The following RTL4 variants were observed in gnomAD, a reference collection of about 807,000 sequenced individuals.
RTL4 encodes the protein retrotransposon Gag like 4.
A neutral mutation model predicts 5.3 loss-of-function variants in RTL4; 4 were observed. The ratio of observed to expected loss-of-function variants is 0.75; its 90% CI spans 0.37 to 1.72. RTL4 has a LOEUF of 1.72. RTL4 is among the 40% of genes most tolerant of loss of function. RTL4 has a pLI of 0.04. For synonymous variants in RTL4, 98 were observed against 87.3 expected, an observed-to-expected ratio of 1.12 and a Z score of -0.68; for missense variants, 260 against 227.1, an observed-to-expected ratio of 1.14 and a Z score of -0.93.
chrX:112,382,451 C>T, the RTL4 span, among the ~76,000 whole-genome samples: 1 of 111,184 alleles, frequency 9.0e-6, no homozygotes, highest in Non-Finnish European at 1.9e-5. Context: ...TAAGCTATTC[C>T]ACAAACCTCC....
chrX:112,329,414 A>G, the RTL4 span, among the ~76,000 whole-genome samples: 1 of 111,818 alleles, frequency 8.9e-6, no homozygotes, highest in Non-Finnish European at 1.9e-5. Context: ...TCTAGAAGAA[A>G]TGGATAAATT....
the RTL4 span, among the ~76,000 whole-genome samples, chrX:112,114,110 A>G: frequency 9.0e-6 from 1 of 111,550 alleles, no homozygotes; most frequent in East Asian, 2.8e-4. Context: ...GTATTTTTCT[A>G]AGGCCTTCCA....
At chrX:112,405,784 G>A in the RTL4 span, among the ~76,000 whole-genome samples, 1 of 110,662 alleles carries the variant, frequency 9.0e-6, no homozygotes, top group African/African-American at 3.3e-5. Context: ...GACCACTAAC[G>A]CTCCTTGGTT....
chrX:112,208,127 T>C, the RTL4 span, among the ~76,000 whole-genome samples: 7 of 111,958 alleles, frequency 6.3e-5, no homozygotes, highest in Non-Finnish European at 1.3e-4. Context: ...TTGAGACTAA[T>C]GGATGATGCC....
the RTL4 span, among the ~76,000 whole-genome samples, chrX:112,387,326 G>A: frequency 2.8e-5 from 3 of 108,263 alleles, no homozygotes; most frequent in South Asian, 1.2e-3. Context: ...TTGCTGTGCA[G>A]AAGCTCTTTA....
chrX:112,341,851 T>G, the RTL4 span, among the ~76,000 whole-genome samples: 3 of 111,579 alleles, frequency 2.7e-5, no homozygotes, highest in Admixed American at 2.9e-4. Flanking sequence ...GATGCAATTC[T>G]TGGCACAATC....
chrX:112,175,458 T>A, the RTL4 span, among the ~76,000 whole-genome samples: 1 of 110,394 alleles, frequency 9.1e-6, no homozygotes, highest in Non-Finnish European at 1.9e-5. Flanking sequence ...TTTGTACCAG[T>A]ACCATGCTGT....
chrX:112,428,795 C>A, the RTL4 span, among the ~76,000 whole-genome samples: 1 of 111,597 alleles, frequency 9.0e-6, no homozygotes, highest in African/African-American at 3.2e-5. Context: ...TTTCTTCTTG[C>A]AATTCTATCA....
chrX:112,206,975 A>G, the RTL4 span, among the ~76,000 whole-genome samples: 1 of 111,546 alleles, frequency 9.0e-6, no homozygotes, highest in Admixed American at 9.6e-5. Context: ...TTCACATGCA[A>G]TCCATCATCA....
At chrX:112,404,933 G>A in the RTL4 span, among the ~76,000 whole-genome samples, 2 of 111,967 alleles carry the variant, frequency 1.8e-5, no homozygotes, top group African/African-American at 6.5e-5. Context: ...AATCACCCAG[G>A]TGATGCAGAT....
chrX:112,330,219 T>A, the RTL4 span, among the ~76,000 whole-genome samples: 1 of 108,319 alleles, frequency 9.2e-6, no homozygotes, highest in Non-Finnish European at 1.9e-5. Flanking sequence ...GAAGTCAAAT[T>A]GTCCCTGTTT....
At chrX:112,301,527 G>T in the RTL4 span, among the ~76,000 whole-genome samples, 3 of 110,871 alleles carry the variant, frequency 2.7e-5, no homozygotes, top group African/African-American at 9.8e-5. Context: ...ATGTGCAAGG[G>T]ATTCATAATT....
the RTL4 span, among the ~76,000 whole-genome samples, chrX:112,431,887 C>G: frequency 1.6e-5 from 1 of 62,061 alleles, no homozygotes; most frequent in Non-Finnish European, 3.0e-5. Flanking sequence ...CCCCTCCCCC[C>G]ACCCCACAAC....
At chrX:112,226,979 T>TAAAAC in the RTL4 span, among the ~76,000 whole-genome samples, 15 of 54,142 alleles carry the variant, frequency 2.8e-4, no homozygotes, top group African/African-American at 8.0e-4. Context: ...AATAATAAAA[T>TAAAAC]AAAATAAAAC....
At chrX:112,380,429 G>T in the RTL4 span, among the ~76,000 whole-genome samples, 1 of 111,954 alleles carries the variant, frequency 8.9e-6, no homozygotes, top group Non-Finnish European at 1.9e-5. Flanking sequence ...TGGGATTACA[G>T]GCGTGAGCCA....
At chrX:112,235,446 C>T in the RTL4 span, among the ~76,000 whole-genome samples, 1 of 111,178 alleles carries the variant, frequency 9.0e-6, no homozygotes, top group Non-Finnish European at 1.9e-5. Flanking sequence ...GGTTGGGGCC[C>T]AAAGCAATCC....
the RTL4 span, among the ~76,000 whole-genome samples, chrX:112,372,476 G>A: frequency 9.0e-6 from 1 of 111,009 alleles, no homozygotes; most frequent in African/African-American, 3.3e-5. Flanking sequence ...TGCCCTTGAG[G>A]ATTTTTCTTC....
chrX:112,124,035 C>T, the RTL4 span, among the ~76,000 whole-genome samples: 1 of 111,091 alleles, frequency 9.0e-6, no homozygotes, highest in Non-Finnish European at 1.9e-5. Context: ...TATGAACAGA[C>T]ACTTCTCAAA....
At chrX:112,313,890 G>A in the RTL4 span, among the ~76,000 whole-genome samples, 10 of 110,934 alleles carry the variant, frequency 9.0e-5, no homozygotes, top group African/African-American at 3.3e-4. Context: ...GAGGAGTTGA[G>A]TATTCTCAGC....
Sources: allele counts gnomAD v4.1 joint callset (sites outside exome capture counted in the v4.1 genomes callset), GRCh38; gene constraint gnomAD v4.1.1; transcripts MANE v1.5; gene names NCBI Gene and HGNC (gene_info 2026-07-23, HGNC 2026-07-21).